MLLT3: variants seen among roughly 807,000 people sequenced by gnomAD.
MLLT3 encodes the protein MLLT3 super elongation complex subunit.
A neutral mutation model predicts 53.2 loss-of-function variants in MLLT3; 4 were observed. The ratio of observed to expected loss-of-function variants is 0.08; its 90% CI spans 0.04 to 0.17. The LOEUF (loss-of-function observed/expected upper bound fraction) is 0.17, where lower values mean the gene tolerates loss of function less well. Among genes scored for constraint, MLLT3 ranks in the 10% least tolerant of loss-of-function variants. MLLT3 has a pLI of 1.00. For synonymous variants in MLLT3, 283 were observed against 230.6 expected, an observed-to-expected ratio of 1.23 and a Z score of -2.06; for missense variants, 569 against 684.0, an observed-to-expected ratio of 0.83 and a Z score of 1.87.
At chr9:20,446,408 A>G (rs988928327) in intron 4 of MLLT3, among the ~76,000 whole-genome samples, 3 of 152,204 alleles carry the variant, frequency 2.0e-5, no homozygotes, top group African/African-American at 7.2e-5. Context: ...CCTTATCAGG[A>G]TGCAGTGCTG....
At chr9:20,460,034 G>A (rs1359909563) in intron 2 of MLLT3, among the ~76,000 whole-genome samples, 1 of 152,162 alleles carries the variant, frequency 6.6e-6, no homozygotes, top group East Asian at 1.9e-4. Context: ...GAATTAGTAT[G>A]AGTTTCTTAG....
intron 5 of MLLT3, among the ~76,000 whole-genome samples, chr9:20,366,281 T>G (rs934787872): frequency 6.6e-6 from 1 of 152,182 alleles, no homozygotes; most frequent in East Asian, 1.9e-4. Flanking sequence ...TCTTCACTTA[T>G]GAGAACATGC....
chr9:20,536,832 G>A (rs374379863), intron 2 of MLLT3, among the ~76,000 whole-genome samples: 1 of 151,178 alleles, frequency 6.6e-6, no homozygotes, highest in Non-Finnish European at 1.5e-5. Context: ...ACTCCTGCAG[G>A]TAGTAGCTGT....
At chr9:20,475,370 A>G (rs1283129989) in intron 2 of MLLT3, among the ~76,000 whole-genome samples, 1 of 152,128 alleles carries the variant, frequency 6.6e-6, no homozygotes, top group African/African-American at 2.4e-5. Context: ...AAAGATACCC[A>G]TCAAATCTCC....
intron 10 of MLLT3, among the ~76,000 whole-genome samples, chr9:20,349,725 G>A (rs1820964147): frequency 6.6e-6 from 1 of 152,170 alleles, no homozygotes; most frequent in South Asian, 2.1e-4. Flanking sequence ...CATTTCTCAT[G>A]CATTGTGCTA....
chr9:20,465,930 A>T (rs10964566), intron 2 of MLLT3, among the ~76,000 whole-genome samples: 1 of 152,014 alleles, frequency 6.6e-6, no homozygotes, highest in Non-Finnish European at 1.5e-5. Flanking sequence ...ACAATCTTTC[A>T]ATCTTCTTCA....
At chr9:20,514,939 A>ATTT (rs35816235) in intron 2 of MLLT3, among the ~76,000 whole-genome samples, 23 of 88,726 alleles carry the variant, frequency 2.6e-4, no homozygotes, top group East Asian at 3.1e-4. Flanking sequence ...TGAAGGAACA[A>ATTT]TTTTTTTTTT....
intron 4 of MLLT3, among the ~76,000 whole-genome samples, chr9:20,426,579 T>C (rs1490156560): frequency 1.3e-5 from 2 of 152,154 alleles, no homozygotes; most frequent in Non-Finnish European, 2.9e-5. Context: ...TGCTATCTTG[T>C]TACCTTCTCT....
At chr9:20,418,918 G>A (rs966285620) in intron 4 of MLLT3, among the ~76,000 whole-genome samples, 2 of 152,154 alleles carry the variant, frequency 1.3e-5, no homozygotes, top group African/African-American at 4.8e-5. Context: ...TCCTCTAGGT[G>A]TATAAACAAG....
In MLLT3 at chr9:20,503,583, T is replaced by C. The variant is rs181107188; in HGVS notation, c.194-46797A>G. Among the ~76,000 whole-genome samples the C allele has an allele frequency of 2.0e-5, 3 of 152,224 alleles. No individual in the cohort carries two copies. The East Asian group carries it at 5.8e-4, about 29-fold the overall frequency. On this transcript the variant is annotated intron_variant, in intron 2 of 10. Transcript: ENST00000380338. Reference sequence around the variant, plus strand: ...GATTCAAATGTAAACCTTGAAACCATAAAAATACTAGAAGAAAACATAGCA... The same window carrying C: ...GATTCAAATGTAAACCTTGAAACCACAAAAATACTAGAAGAAAACATAGCA...
At chr9:20,460,967 G>A (rs1470500075) in intron 2 of MLLT3, among the ~76,000 whole-genome samples, 1 of 152,170 alleles carries the variant, frequency 6.6e-6, no homozygotes, top group Admixed American at 6.6e-5. Context: ...AACTGGGCCA[G>A]AAGATCTCTA....
intron 2 of MLLT3, among the ~76,000 whole-genome samples, chr9:20,536,543 C>A (rs1402204203): frequency 6.6e-6 from 1 of 152,168 alleles, no homozygotes; most frequent in Non-Finnish European, 1.5e-5. Flanking sequence ...GCCTACTGTT[C>A]TCTCGGAATC....
At chr9:20,525,143 AAAAC>A (rs1289189903) in intron 2 of MLLT3, among the ~76,000 whole-genome samples, 4 of 151,926 alleles carry the variant, frequency 2.6e-5, no homozygotes, top group Non-Finnish European at 5.9e-5. Context: ...AAAAAAAAAA[AAAAC>A]AGAGGCGTGA....
At chr9:20,556,615 G>A (rs1482702495) in intron 2 of MLLT3, among the ~76,000 whole-genome samples, 5 of 152,090 alleles carry the variant, frequency 3.3e-5, no homozygotes, top group Non-Finnish European at 7.4e-5. Context: ...CCCAAGAGTA[G>A]GAGGTTGCAG....
chr9:20,620,971 T>C lies in MLLT3; in HGVS notation c.13-137A>G, dbSNP rs755390043. The C allele has an allele frequency of 1.3e-5, 14 of 1,058,452 alleles. No homozygotes were observed. The highest frequency in any genetic ancestry group is 1.8e-5 in the Non-Finnish European group (13 of 710,888). 65.6% of individuals were successfully genotyped at this position (1,058,452 alleles called of 1,614,324 possible). On this transcript the variant is annotated intron_variant, in intron 1 of 10. Transcript: ENST00000380338. This position sits in a 1 kb window ranked among gnomAD's most constrained non-coding sequence, Gnocchi z 6.1. ...ACGGCGGTGCCCTCTGCATCCACGT[T>C]TCACGCGCGTGGGCGCGCACACTCC...
chr9:20,463,039 C>A (rs1041517581), intron 2 of MLLT3, among the ~76,000 whole-genome samples: 16 of 152,090 alleles, frequency 1.1e-4, no homozygotes, highest in Admixed American at 1.0e-3. Flanking sequence ...CGTCATGCTA[C>A]ACACACTCAG....
At chr9:20,457,238 CTTTTTTTTT>C (rs769037689) in intron 2 of MLLT3, among the ~76,000 whole-genome samples, 1 of 63,738 alleles carries the variant, frequency 1.6e-5, no homozygotes, top group East Asian at 4.1e-4. Flanking sequence ...ACAAGGACAT[CTTTTTTTTT>C]TTTTTTTTTT....
intron 2 of MLLT3, among the ~76,000 whole-genome samples, chr9:20,543,022 G>C (rs1241668060): frequency 3.9e-5 from 6 of 152,194 alleles, no homozygotes; most frequent in African/African-American, 1.4e-4. Flanking sequence ...TTCTTCTGCA[G>C]TTTCCTCACT....
chr9:20,583,422 T>C (rs570969259), intron 2 of MLLT3, among the ~76,000 whole-genome samples: 1 of 152,256 alleles, frequency 6.6e-6, no homozygotes, highest in Admixed American at 6.5e-5. Flanking sequence ...CTTCTCACAG[T>C]TCCACTATGC....
Sources: allele counts gnomAD v4.1 joint callset (sites outside exome capture counted in the v4.1 genomes callset), GRCh38; gene constraint gnomAD v4.1.1; non-coding constraint Gnocchi (gnomAD v3.1); transcripts MANE v1.5; gene names NCBI Gene and HGNC (gene_info 2026-07-23, HGNC 2026-07-21).